UPF3A: variants seen among roughly 807,000 people sequenced by gnomAD.
UPF3A encodes UPF3A regulator of nonsense mediated mRNA decay.
A neutral mutation model predicts 53.5 loss-of-function variants in UPF3A; 42 were observed. That is an observed-to-expected ratio of 0.78 (90% CI 0.61 to 1.01). The LOEUF (loss-of-function observed/expected upper bound fraction) is 1.01. UPF3A is among the 50% of genes least tolerant of loss of function. The pLI is 0.00. For missense variants in UPF3A, 575 were observed against 598.0 expected (o/e 0.96, Z 0.40); for synonymous variants, 237 against 225.3 (o/e 1.05, Z -0.47).
At chr13:114,281,905 G>A (rs1442033569) in intron 1 of UPF3A, 59 bp downstream of exon 1, 29 of 991,918 alleles carry the variant, frequency 2.9e-5, no homozygotes, top group Non-Finnish European at 4.2e-5. Flanking sequence ...TGAGTGGAGG[G>A]AGGGGAGGGA....
chr13:114,291,999 T>A (rs1399893743), intron 7 of UPF3A, among the ~76,000 whole-genome samples: 4 of 152,186 alleles, frequency 2.6e-5, no homozygotes, highest in Non-Finnish European at 5.9e-5. Context: ...GTCCTCAGGC[T>A]GCTGTTGGGT....
Position 114,286,304 on chromosome 13 carries a change from C to G in UPF3A, c.424C>G (p.Leu142Val). The stretch of plus-strand genomic sequence containing the variant: ...TGGAACATGTTTCCTGTTAAAAGGC[C>G]TAGAATATCCTGCAGTGGTAGAGTT... The part of the protein sequence containing the change: ...DGYIFLDSKG[L>V]EYPAVVEFAP... The change falls in exon 4 of 10, where the codon CTA (leucine) becomes GTA (valine). Residue 142 changes from leucine to valine, a missense_variant and splice_region_variant. This residue lies in a region of UPF3A where 323 missense variants were observed against 415.2 expected (regional missense o/e 0.78). Transcript: ENST00000375299. 1 of 1,613,690 alleles carries G rather than the reference C, an allele frequency of 6.2e-7. No homozygotes were observed. Among genetic ancestry groups the G allele is most frequent in the South Asian group, 1.1e-5 (1 of 91,020 alleles).
intron 7 of UPF3A, among the ~76,000 whole-genome samples, chr13:114,293,674 C>T (rs1021131788): frequency 2.6e-5 from 4 of 151,988 alleles, no homozygotes; most frequent in Non-Finnish European, 4.4e-5. Context: ...TCACTCATTA[C>T]TTATTATTTA....
At chr13:114,297,756 G>T (rs1439688872) in intron 7 of UPF3A, among the ~76,000 whole-genome samples, 1 of 152,132 alleles carries the variant, frequency 6.6e-6, no homozygotes, top group Non-Finnish European at 1.5e-5. Context: ...TTGAACCAGG[G>T]TGGCAGAGGT....
At chr13:114,303,869 C>G (rs1443843981) in intron 9 of UPF3A, among the ~76,000 whole-genome samples, 1 of 152,246 alleles carries the variant, frequency 6.6e-6, no homozygotes, top group East Asian at 1.9e-4. Context: ...GTTCCCACCC[C>G]TCCCATTGGT....
At chr13:114,299,420 A>AT (rs2086378716) in intron 8 of UPF3A, among the ~76,000 whole-genome samples, 1 of 152,020 alleles carries the variant, frequency 6.6e-6, no homozygotes, top group Admixed American at 6.5e-5. Flanking sequence ...AGAATTGCAT[A>AT]TTTGGGAACC....
intron 5 of UPF3A, among the ~76,000 whole-genome samples, chr13:114,287,929 C>T (rs993360597): frequency 2.8e-4 from 42 of 152,164 alleles, no homozygotes; most frequent in Admixed American, 1.3e-4. Context: ...GCCTCAGCCT[C>T]CTGAGTAGCT....
chr13:114,281,809 G>C lies in UPF3A; in HGVS notation c.170G>C (p.Gly57Ala). The C allele has an allele frequency of 1.3e-6, 2 of 1,548,134 alleles. No individual in the cohort carries two copies. The highest frequency in any genetic ancestry group is 1.7e-6 in the Non-Finnish European group (2 of 1,145,238). ...TCCTCCGGTTGCGGGGGCGGTGCGGGCAAACCTCGCGAGGAGAAGAGGACG... is the reference window on the plus strand; with the variant it reads ...TCCTCCGGTTGCGGGGGCGGTGCGGCCAAACCTCGCGAGGAGAAGAGGACG... ...TSSSGCGGGA[G>A]KPREEKRTAL... The change falls in exon 1 of 10, where the codon GGC becomes GCC. Residue 57 changes from glycine to alanine, a missense_variant. Around this residue, in one of 2 missense-constraint regions of UPF3A, gnomAD observed 252 missense variants for 182.7 expected, o/e 1.38. Transcript: ENST00000375299.
intron 7 of UPF3A, among the ~76,000 whole-genome samples, chr13:114,298,189 T>C (rs972144240): frequency 4.0e-5 from 6 of 151,838 alleles, no homozygotes; most frequent in African/African-American, 9.7e-5. Context: ...CTGGCCGACA[T>C]ACTGAAACCC....
At chr13:114,282,349 C>A in intron 2 of UPF3A, 1 of 1,050,056 alleles carries the variant, frequency 9.5e-7, no homozygotes, top group Non-Finnish European at 1.3e-6. Flanking sequence ...GGATGATTTT[C>A]AGACGGCTAA....
At chr13:114,292,899 C>G (rs1043685090) in intron 7 of UPF3A, among the ~76,000 whole-genome samples, 2 of 151,688 alleles carry the variant, frequency 1.3e-5, no homozygotes, top group African/African-American at 4.8e-5. Flanking sequence ...ATGGTGAAAC[C>G]CTGTCTCTAC....
intron 3 of UPF3A, among the ~76,000 whole-genome samples, chr13:114,284,468 A>G (rs2084459098): frequency 6.6e-6 from 1 of 151,080 alleles, no homozygotes; most frequent in African/African-American, 2.4e-5. Flanking sequence ...AGGCCGAGGA[A>G]TGTAGATCAG....
chr13:114,298,403 G>A (rs966648572), intron 7 of UPF3A, among the ~76,000 whole-genome samples: 38 of 152,224 alleles, frequency 2.5e-4, no homozygotes, highest in African/African-American at 8.7e-4. Flanking sequence ...AGACGGGTAT[G>A]GTGGCGCATG....
At chr13:114,293,397 T>C (rs900135766) in intron 7 of UPF3A, among the ~76,000 whole-genome samples, 1 of 151,802 alleles carries the variant, frequency 6.6e-6, no homozygotes, top group African/African-American at 2.4e-5. Context: ...AAAAAAAAAG[T>C]TTCCCTGATT....
At position 114,305,280 on chromosome 13, in the gene UPF3A, T is replaced by C. The variant is rs891778458; in HGVS notation, c.*363T>C. ...AGTGCTGTGAGAACGACATCCACTT[T>C]GGGTTTCATTCGTTTGTAAGCAGAG... On this transcript the variant is annotated 3_prime_UTR_variant, in exon 10 of 10. Coordinates refer to ENST00000375299, the MANE Select transcript of UPF3A (RefSeq NM_023011.4). 4.2e-5 allele frequency: 12 copies of C among 282,484 alleles called. No homozygotes were observed. In the Admixed American group the frequency reaches 5.0e-4, roughly 12 times the overall value. 17.5% of individuals were successfully genotyped at this position (282,484 alleles called of 1,614,324 possible).
At chr13:114,290,464 A>C (rs1395026972) in intron 5 of UPF3A, among the ~76,000 whole-genome samples, 1 of 152,192 alleles carries the variant, frequency 6.6e-6, no homozygotes, top group African/African-American at 2.4e-5. Context: ...ACAGACCCAC[A>C]GAGTAGACCC....
intron 9 of UPF3A, 101 bp downstream of exon 9, chr13:114,302,126 G>A (rs1360636821): frequency 5.8e-6 from 7 of 1,208,714 alleles, no homozygotes; most frequent in South Asian, 5.2e-5. Context: ...CTTGGGGAAC[G>A]CAGTGCTTTG....
chr13:114,302,140 A>T, intron 9 of UPF3A, 115 bp downstream of exon 9: 1 of 1,049,568 alleles, frequency 9.5e-7, no homozygotes, highest in Non-Finnish European at 1.3e-6. Context: ...TGCTTTGAGC[A>T]TTTTCAAGAG....
intron 3 of UPF3A, chr13:114,286,061 T>A: frequency 2.1e-6 from 1 of 478,636 alleles, no homozygotes; most frequent in Non-Finnish European, 3.7e-6. Flanking sequence ...TTACCAGGAG[T>A]TCATCCTTGT....
Sources: gnomAD v4.1 joint callset for allele counts (sites outside exome capture counted in the v4.1 genomes callset) on GRCh38, gnomAD v4.1.1 for gene constraint, gnomAD v4.1.1 regional missense constraint, MANE v1.5 for transcripts, NCBI Gene and HGNC (gene_info 2026-07-23, HGNC 2026-07-21) for gene names.